The following GALNT13 variants were observed in gnomAD, a reference collection of about 807,000 sequenced individuals.
The protein encoded by GALNT13 is polypeptide N-acetylgalactosaminyltransferase 13.
Under a neutral mutation model 64.2 loss-of-function variants are expected in GALNT13, and 28 were observed. The ratio of observed to expected loss-of-function variants is 0.44; its 90% CI spans 0.32 to 0.60. The LOEUF is 0.60. Ranked by LOEUF, GALNT13 falls within the 20% of genes least tolerant of loss-of-function variation. The pLI, the probability that GALNT13 is intolerant of heterozygous loss-of-function variation, is 0.05. For synonymous variants in GALNT13, 214 were observed against 224.6 expected, an observed-to-expected ratio of 0.95 and a Z score of 0.42; for missense variants, 577 against 669.8, an observed-to-expected ratio of 0.86 and a Z score of 1.53.
the GALNT13 span, among the ~76,000 whole-genome samples, chr2:153,482,279 A>G: frequency 6.6e-6 from 1 of 152,174 alleles, no homozygotes; most frequent in Non-Finnish European, 1.5e-5. Context: ...TTACAACCAC[A>G]AAGAGTAACA....
At chr2:153,955,608 T>C (rs1692509726) in intron 3 of GALNT13, among the ~76,000 whole-genome samples, 1 of 152,192 alleles carries the variant, frequency 6.6e-6, no homozygotes, top group Non-Finnish European at 1.5e-5. Flanking sequence ...CGAAAAGGGA[T>C]CACTGATGGT....
chr2:153,736,724 G>T, the GALNT13 span, among the ~76,000 whole-genome samples: 8 of 151,922 alleles, frequency 5.3e-5, no homozygotes, highest in African/African-American at 1.7e-4. Flanking sequence ...AACACTAGAG[G>T]GTTCATTTTA....
chr2:153,157,070 G>A, the GALNT13 span, among the ~76,000 whole-genome samples: 9 of 152,150 alleles, frequency 5.9e-5, no homozygotes, highest in African/African-American at 2.2e-4. Context: ...GAGACATAAG[G>A]CATATGGAGA....
intron 9 of GALNT13, among the ~76,000 whole-genome samples, chr2:154,387,019 C>A (rs1422462125): frequency 6.6e-6 from 1 of 152,006 alleles, no homozygotes; most frequent in Non-Finnish European, 1.5e-5. Flanking sequence ...CTCATTTTTA[C>A]TCCATTAAAA....
intron 9 of GALNT13, among the ~76,000 whole-genome samples, chr2:154,310,489 A>G (rs1693974788): frequency 6.6e-6 from 1 of 152,186 alleles, no homozygotes; most frequent in South Asian, 2.1e-4. Flanking sequence ...CTACCTTAAT[A>G]TTATGTCCTG....
intron 3 of GALNT13, among the ~76,000 whole-genome samples, chr2:154,137,478 T>A (rs1683022251): frequency 6.6e-6 from 1 of 152,174 alleles, no homozygotes; most frequent in Non-Finnish European, 1.5e-5. Flanking sequence ...CTACATGTTG[T>A]TGCAAGTAGT....
intron 3 of GALNT13, among the ~76,000 whole-genome samples, chr2:154,139,533 C>T (rs942374289): frequency 6.6e-6 from 1 of 151,806 alleles, no homozygotes; most frequent in African/African-American, 2.4e-5. Context: ...TTTAATATCA[C>T]TCTGAAGAGT....
At chr2:153,526,228 G>T in the GALNT13 span, among the ~76,000 whole-genome samples, 1 of 152,246 alleles carries the variant, frequency 6.6e-6, no homozygotes, top group East Asian at 1.9e-4. Context: ...CTAGGAAGTG[G>T]TTATTGCATG....
At chr2:153,809,862 G>A in the GALNT13 span, among the ~76,000 whole-genome samples, 1 of 151,968 alleles carries the variant, frequency 6.6e-6, no homozygotes, top group Non-Finnish European at 1.5e-5. Context: ...CAAGGATTTT[G>A]TCTCTCAACC....
chr2:153,875,313 A>G (rs1416826151), intron 1 of GALNT13, among the ~76,000 whole-genome samples: 2 of 152,128 alleles, frequency 1.3e-5, no homozygotes, highest in Admixed American at 1.3e-4. Flanking sequence ...GTTCAAAGCA[A>G]TTTTTCTTTA....
chr2:153,720,160 C>A, the GALNT13 span, among the ~76,000 whole-genome samples: 1 of 145,944 alleles, frequency 6.9e-6, no homozygotes, highest in Non-Finnish European at 1.5e-5. Flanking sequence ...ACCCCTGACC[C>A]CCGAGCAGCC....
intron 1 of GALNT13, among the ~76,000 whole-genome samples, chr2:153,873,951 A>G (rs543460446): frequency 4.6e-4 from 70 of 152,102 alleles, no homozygotes; most frequent in Admixed American, 8.5e-4. Context: ...TTGAAAAGTA[A>G]GGTCAACCTA....
the GALNT13 span, among the ~76,000 whole-genome samples, chr2:153,782,604 T>A: frequency 6.6e-6 from 1 of 152,116 alleles, no homozygotes; most frequent in Non-Finnish European, 1.5e-5. Context: ...GTGAGTTTAA[T>A]CTAACATACC....
intron 3 of GALNT13, among the ~76,000 whole-genome samples, chr2:153,983,882 T>G (rs1694626538): frequency 6.6e-6 from 1 of 151,964 alleles, no homozygotes; most frequent in Non-Finnish European, 1.5e-5. Context: ...GAAAATACTG[T>G]GCTTCTTCCT....
At chr2:153,766,086 C>T in the GALNT13 span, among the ~76,000 whole-genome samples, 1 of 151,832 alleles carries the variant, frequency 6.6e-6, no homozygotes, top group Admixed American at 6.6e-5. Context: ...ATCTGGACGT[C>T]TTTATTTTTG....
intron 3 of GALNT13, among the ~76,000 whole-genome samples, chr2:154,076,547 T>C (rs74475048): frequency 0.083 from 12,643 of 151,700 alleles, 894 homozygotes; most frequent in African/African-American, 0.19. Context: ...GAGTGTGCTC[T>C]GGTCCAATGA....
At chr2:153,660,187 T>G in the GALNT13 span, among the ~76,000 whole-genome samples, 1 of 152,108 alleles carries the variant, frequency 6.6e-6, no homozygotes, top group African/African-American at 2.4e-5. Flanking sequence ...CTTAATTAGG[T>G]TGTCCATTAA....
the GALNT13 span, among the ~76,000 whole-genome samples, chr2:153,599,345 A>G: frequency 1.3e-5 from 2 of 151,986 alleles, no homozygotes; most frequent in African/African-American, 4.8e-5. Flanking sequence ...TCTTCTATCT[A>G]ACTGTATAAT....
At chr2:153,679,338 C>T in the GALNT13 span, among the ~76,000 whole-genome samples, 5 of 152,044 alleles carry the variant, frequency 3.3e-5, no homozygotes, top group Admixed American at 3.3e-4. Flanking sequence ...ATGACTGATA[C>T]AACTTCAAAA....
Sources: allele counts gnomAD v4.1 joint callset (sites outside exome capture counted in the v4.1 genomes callset), GRCh38; gene constraint gnomAD v4.1.1; transcripts MANE v1.5; gene names NCBI Gene and HGNC (gene_info 2026-07-23, HGNC 2026-07-21).